RIGI: variants seen among roughly 807,000 people sequenced by gnomAD.
RIGI encodes RNA sensor RIG-I.
chr9:32,472,914 C>T, the RIGI span: 19 of 938,174 alleles, frequency 2.0e-5, no homozygotes, highest in Non-Finnish European at 2.8e-5. Context: ...CATATACATA[C>T]ACACACACAC....
chr9:32,475,072 C>T, the RIGI span, among the ~76,000 whole-genome samples: 1 of 152,222 alleles, frequency 6.6e-6, no homozygotes, highest in African/African-American at 2.4e-5. Flanking sequence ...CTGCCTCAGT[C>T]TCCCAAGTAT....
At chr9:32,484,451 GGCT>G in the RIGI span, among the ~76,000 whole-genome samples, 1 of 152,150 alleles carries the variant, frequency 6.6e-6, no homozygotes, top group Non-Finnish European at 1.5e-5. Context: ...TACCTGCCAA[GGCT>G]GCTTCTAGTC....
At chr9:32,463,593 A>G in the RIGI span, among the ~76,000 whole-genome samples, 1 of 152,192 alleles carries the variant, frequency 6.6e-6, no homozygotes, top group African/African-American at 2.4e-5. Flanking sequence ...ATAAATCCTA[A>G]TAAGTTAAAA....
At chr9:32,498,057 C>T in the RIGI span, among the ~76,000 whole-genome samples, 1 of 152,178 alleles carries the variant, frequency 6.6e-6, no homozygotes, top group Non-Finnish European at 1.5e-5. Context: ...AGACTTGCTC[C>T]ATTGCTGATT....
chr9:32,461,705 T>C, the RIGI span, among the ~76,000 whole-genome samples: 1,343 of 152,302 alleles, frequency 8.8e-3, 22 homozygotes, highest in African/African-American at 0.026. Flanking sequence ...ATGAAAATGT[T>C]AATGGGGTGG....
At chr9:32,465,807 C>CA in the RIGI span, among the ~76,000 whole-genome samples, 1 of 152,184 alleles carries the variant, frequency 6.6e-6, no homozygotes, top group Non-Finnish European at 1.5e-5. Context: ...AATCTGATTT[C>CA]ATGTTTCTGT....
the RIGI span, among the ~76,000 whole-genome samples, chr9:32,508,447 A>C: frequency 6.6e-6 from 1 of 151,822 alleles, no homozygotes. Context: ...GCCCACAGAC[A>C]GCGAGCTGAA....
the RIGI span, chr9:32,466,225 C>A: frequency 6.5e-7 from 1 of 1,539,034 alleles, no homozygotes; most frequent in Non-Finnish European, 8.9e-7. Context: ...AAGATACCAA[C>A]CATCCTCCTC....
the RIGI span, among the ~76,000 whole-genome samples, chr9:32,472,689 G>C: frequency 6.6e-6 from 1 of 152,168 alleles, no homozygotes; most frequent in Non-Finnish European, 1.5e-5. Flanking sequence ...CTTCAGACTT[G>C]CTTTGCCAGC....
chr9:32,471,931 T>C, the RIGI span, among the ~76,000 whole-genome samples: 2 of 151,960 alleles, frequency 1.3e-5, no homozygotes, highest in Non-Finnish European at 2.9e-5. Context: ...GCGAGGGTGA[T>C]AACTAGGGAC....
chr9:32,511,362 A>G, the RIGI span, among the ~76,000 whole-genome samples: 4,108 of 152,306 alleles, frequency 0.027, 72 homozygotes, highest in Middle Eastern at 0.095. Context: ...CAAATGCAAA[A>G]GAACGGAAAT....
the RIGI span, among the ~76,000 whole-genome samples, chr9:32,498,502 A>T: frequency 3.4e-4 from 52 of 152,342 alleles, no homozygotes; most frequent in Admixed American, 2.2e-3. Context: ...TTTATGAAAA[A>T]TAAAGCTCTC....
chr9:32,465,512 G>A, the RIGI span, among the ~76,000 whole-genome samples: 38 of 152,266 alleles, frequency 2.5e-4, 1 homozygote, highest in South Asian at 4.1e-4. Context: ...TATGCCAGGC[G>A]CTAAGAGATG....
At chr9:32,457,493 A>AG in the RIGI span, 2 of 1,160,424 alleles carry the variant, frequency 1.7e-6, no homozygotes, top group Non-Finnish European at 2.3e-6. Context: ...TAAAAAAAAA[A>AG]AAAAGAAAAC....
chr9:32,463,788 T>C, the RIGI span, among the ~76,000 whole-genome samples: 1 of 151,768 alleles, frequency 6.6e-6, no homozygotes, highest in Non-Finnish European at 1.5e-5. Flanking sequence ...GTCATGGGTA[T>C]GCATGTTGGA....
chr9:32,500,796 T>A, the RIGI span: 1 of 1,604,234 alleles, frequency 6.2e-7, no homozygotes, highest in East Asian at 2.2e-5. Flanking sequence ...TTAAAAAGAA[T>A]GAACTAACCT....
chr9:32,507,974 A>T, the RIGI span, among the ~76,000 whole-genome samples: 61,670 of 151,540 alleles, frequency 0.41, 13,093 homozygotes, highest in South Asian at 0.53. Context: ...TCTTGTTTAT[A>T]TTTCCCTTTC....
At chr9:32,504,581 G>A in the RIGI span, among the ~76,000 whole-genome samples, 23 of 151,736 alleles carry the variant, frequency 1.5e-4, no homozygotes, top group South Asian at 2.1e-4. Flanking sequence ...GGGAGGCTGA[G>A]GCAGGAGAAT....
the RIGI span, among the ~76,000 whole-genome samples, chr9:32,493,353 C>A: frequency 6.6e-6 from 1 of 152,178 alleles, no homozygotes; most frequent in East Asian, 1.9e-4. Context: ...TGGCTGAGCA[C>A]GGTGGCTCAC....
Sources: allele counts gnomAD v4.1 joint callset (sites outside exome capture counted in the v4.1 genomes callset), GRCh38; gene constraint gnomAD v4.1.1; transcripts MANE v1.5; gene names NCBI Gene and HGNC (gene_info 2026-07-23, HGNC 2026-07-21).